OSER1: variants seen among roughly 807,000 people sequenced by gnomAD.
OSER1 encodes the protein oxidative stress responsive serine rich 1, also known as oxidative stress-responsive serine-rich protein 1.
In OSER1, 15 loss-of-function variants were observed where a neutral mutation model predicts 26.3. That is an observed-to-expected ratio of 0.57 (90% CI 0.38 to 0.88). The LOEUF is 0.88. Ranked by LOEUF, OSER1 falls within the 40% of genes least tolerant of loss-of-function variation. OSER1 has a pLI of 0.00. For synonymous variants in OSER1, 127 were observed against 128.2 expected (o/e 0.99, Z 0.07); for missense variants, 313 against 353.9 (o/e 0.88, Z 0.93).
upstream of OSER1, chr20:44,210,799 C>G (rs913987269): frequency 1.3e-5 from 2 of 152,530 alleles, no homozygotes; most frequent in East Asian, 1.9e-4. Flanking sequence ...GCCAAGGGGG[C>G]GGCCCGCGCC....
At chr20:44,200,384 G>A (rs1709319318) in intron 3 of OSER1, among the ~76,000 whole-genome samples, 1 of 152,176 alleles carries the variant, frequency 6.6e-6, no homozygotes, top group African/African-American at 2.4e-5. Context: ...GACAGAATGT[G>A]TCCACCAGCC....
In OSER1 at chr20:44,196,802, C is replaced by T. The variant is rs191815961; in HGVS notation, c.*250G>A. 153 of 409,268 alleles carry T rather than the reference C, an allele frequency of 3.7e-4. 7 individuals are homozygous for T. The highest frequency in any genetic ancestry group is 1.9e-3 in the East Asian group (47 of 25,086). The allele number at this position is 409,268 out of a possible 1,614,324, so 25.4% of individuals were successfully genotyped here. The stretch of plus-strand genomic sequence containing the variant: ...CAGTCTCAAGTAATTATGGTTTCTT[C>T]ATCCCCCAGGAACATTTCTAAATAA... On this transcript the variant is annotated 3_prime_UTR_variant, in exon 4 of 4. Transcript: ENST00000255174.
intron 2 of OSER1, among the ~76,000 whole-genome samples, chr20:44,204,009 T>C (rs1221209248): frequency 1.3e-5 from 2 of 152,180 alleles, no homozygotes; most frequent in South Asian, 2.1e-4. Flanking sequence ...CACCTATACA[T>C]ATATTATGAT....
upstream of OSER1, among the ~76,000 whole-genome samples, chr20:44,211,805 T>C (rs1012491937): frequency 1.3e-5 from 2 of 152,224 alleles, no homozygotes; most frequent in Non-Finnish European, 2.9e-5. Flanking sequence ...GCTCCACGTC[T>C]GCACTGCTCA....
At chr20:44,205,600 C>A (rs781474465) in intron 2 of OSER1, among the ~76,000 whole-genome samples, 13 of 152,158 alleles carry the variant, frequency 8.5e-5, no homozygotes, top group Non-Finnish European at 1.6e-4. Context: ...GTACTGCATG[C>A]ATTTCTTCCT....
intron 3 of OSER1, among the ~76,000 whole-genome samples, chr20:44,199,518 C>T (rs1015860696): frequency 6.6e-6 from 1 of 151,996 alleles, no homozygotes; most frequent in Non-Finnish European, 1.5e-5. Context: ...GTTACAGCAA[C>T]AGAAAATGAA....
intron 1 of OSER1, 133 bp from the exon 2 acceptor site, chr20:44,207,131 T>C (rs1479693202): frequency 9.6e-6 from 5 of 522,288 alleles, no homozygotes; most frequent in African/African-American, 3.8e-5. Flanking sequence ...CTGGAGACTA[T>C]AGGTTTTATT....
At chr20:44,204,662 C>T (rs1428170920) in intron 2 of OSER1, among the ~76,000 whole-genome samples, 1 of 152,158 alleles carries the variant, frequency 6.6e-6, no homozygotes, top group African/African-American at 2.4e-5. Flanking sequence ...CTCCCCACGC[C>T]AGTAGTCAGC....
intron 3 of OSER1, 123 bp from the exon 4 acceptor site, chr20:44,197,862 G>A (rs911365258): frequency 2.1e-5 from 13 of 623,398 alleles, no homozygotes; most frequent in Non-Finnish European, 3.3e-5. Context: ...TAAATTTCCT[G>A]CAAGAGATGC....
rs1273118457 is a variant in OSER1 at position 44,197,757 on chromosome 20, T to C, written c.192-18A>G. 13 of 1,541,324 alleles carry C rather than the reference T, an allele frequency of 8.4e-6. No individual in the cohort carries two copies. The highest frequency in any genetic ancestry group is 1.1e-5 in the South Asian group (1 of 88,044). On this transcript the variant is annotated intron_variant, in intron 3 of 3. Transcript: ENST00000255174. ...TTGTAGACCTAAAGAGGAAAAAAAATATACAAGAAGATGTTGGGATATGGA... is the reference window on the plus strand; with the variant it reads ...TTGTAGACCTAAAGAGGAAAAAAAACATACAAGAAGATGTTGGGATATGGA...
At chr20:44,197,822 C>T (rs1030884853) in intron 3 of OSER1, 83 bp from the exon 4 acceptor site, 13 of 867,312 alleles carry the variant, frequency 1.5e-5, no homozygotes, top group African/African-American at 5.2e-5. Context: ...AGGAAATTTA[C>T]CTTCCCTCAG....
chr20:44,209,420 C>T (rs970228375), intron 1 of OSER1, among the ~76,000 whole-genome samples: 4 of 152,198 alleles, frequency 2.6e-5, no homozygotes, highest in African/African-American at 7.2e-5. Flanking sequence ...GCTCATTATG[C>T]TCCTCTGCAT....
upstream of OSER1, chr20:44,211,029 T>A (rs1463220963): frequency 6.6e-6 from 1 of 152,424 alleles, no homozygotes; most frequent in Non-Finnish European, 1.5e-5. Context: ...TGGCGTGGAT[T>A]TGCTCCCGAC....
Position 44,197,573 on chromosome 20 carries a change from C to G in OSER1, c.358G>C (p.Gly120Arg), listed in dbSNP as rs758864876. Residue 120 changes from glycine (G) to arginine (R), a missense_variant, in exon 4 of 4, where the codon GGG becomes CGG. By Grantham distance (125) the Gly-to-Arg change is moderately radical (BLOSUM62 -2). Transcript: ENST00000255174. ...SQTDSPDGSS[G>R]LGISSPKEFS... ...TCTTTAGGGGATGAAATTCCCAGCCCACTGCTGCCATCAGGTGAGTCAGTC... is the reference window on the plus strand; with the variant it reads ...TCTTTAGGGGATGAAATTCCCAGCCGACTGCTGCCATCAGGTGAGTCAGTC... The G allele has an allele frequency of 5.0e-6, 8 of 1,614,062 alleles. No homozygotes were observed. The African/African-American group carries it at 9.3e-5, about 19-fold the overall frequency.
intron 3 of OSER1, among the ~76,000 whole-genome samples, chr20:44,199,372 C>T (rs1386460947): frequency 6.6e-6 from 1 of 152,166 alleles, no homozygotes; most frequent in Non-Finnish European, 1.5e-5. Context: ...GCCCCCTTGC[C>T]ACGTGATATC....
chr20:44,200,309 AC>A (rs1222426418), intron 3 of OSER1, among the ~76,000 whole-genome samples: 1 of 152,012 alleles, frequency 6.6e-6, no homozygotes, highest in Admixed American at 6.6e-5. Flanking sequence ...CCTGCTACCC[AC>A]CCATTCCACA....
At chr20:44,203,694 T>TAACACA (rs1555866748) in intron 2 of OSER1, among the ~76,000 whole-genome samples, 5,511 of 145,406 alleles carry the variant, frequency 0.038, 166 homozygotes, top group East Asian at 0.072. Context: ...CAGACTTTTT[T>TAACACA]CACACACACA....
rs755001133 is a variant in OSER1, at chr20:44,197,211, C to T, written c.720G>A (p.Ser240=). The change falls in exon 4 of 4, where the codon TCG becomes TCA. Residue 240 remains serine, a synonymous_variant. Transcript: ENST00000255174. ...AGCCAGACAGAGTTCTGGCGTGCAGCGACTGAGAGTAGTCCTCAAGTGTGG... is the reference window on the plus strand; with the variant it reads ...AGCCAGACAGAGTTCTGGCGTGCAGTGACTGAGAGTAGTCCTCAAGTGTGG... ...RRSTLEDYSQ[S]LHARTLSGSP... is the part of the protein sequence containing the mutation. The T allele has an allele frequency of 8.7e-6, 14 of 1,614,106 alleles. No individual in the cohort carries two copies. Among genetic ancestry groups the T allele is most frequent in the African/African-American group, 2.7e-5 (2 of 74,944 alleles).
chr20:44,200,233 A>T (rs2072966545), intron 3 of OSER1, among the ~76,000 whole-genome samples: 1 of 152,186 alleles, frequency 6.6e-6, no homozygotes, highest in South Asian at 2.1e-4. Flanking sequence ...GGATCTCTGG[A>T]GGAGAAAAGA....
Sources: allele counts gnomAD v4.1 joint callset (sites outside exome capture counted in the v4.1 genomes callset), GRCh38; gene constraint gnomAD v4.1.1; transcripts MANE v1.5; gene names NCBI Gene and HGNC (gene_info 2026-07-23, HGNC 2026-07-21).